PDLIM5: variants seen among roughly 807,000 people sequenced by gnomAD.
PDLIM5 encodes PDZ and LIM domain 5, also known as PDZ and LIM domain protein 5.
Under a neutral mutation model 64.2 loss-of-function variants are expected in PDLIM5, and 34 were observed. The observed-to-expected ratio is 0.53, with a 90% CI of 0.40 to 0.71. The LOEUF (loss-of-function observed/expected upper bound fraction) is 0.71. Ranked by LOEUF, PDLIM5 falls within the 30% of genes least tolerant of loss-of-function variation. PDLIM5 has a pLI of 0.00. For synonymous variants in PDLIM5, 253 were observed against 269.1 expected (o/e 0.94, Z 0.59); for missense variants, 683 against 733.6 (o/e 0.93, Z 0.80).
rs946467677 is a variant in PDLIM5 at position 94,630,064 on chromosome 4, A to C, written c.1109-10212A>C. Among the ~76,000 whole-genome samples the C allele has an allele frequency of 4.6e-5, 7 of 152,194 alleles. No homozygotes were observed. The South Asian group carries it at 1.0e-3, about 23-fold the overall frequency. On this transcript the variant is annotated intron_variant, in intron 8 of 12. Transcript: ENST00000317968. ...AGAGAAGAAAGCACTTGCTGCACAC[A>C]ATAGTATGCAAGCATGTTGCCATGA...
intron 3 of PDLIM5, among the ~76,000 whole-genome samples, chr4:94,564,438 T>C (rs988773581): frequency 6.6e-6 from 1 of 152,152 alleles, no homozygotes; most frequent in Admixed American, 6.5e-5. Flanking sequence ...GACTTTGCAC[T>C]TGCTATTTGG....
chr4:94,591,830 G>C (rs1333117963), intron 7 of PDLIM5, among the ~76,000 whole-genome samples: 4 of 152,326 alleles, frequency 2.6e-5, no homozygotes, highest in African/African-American at 9.6e-5. Context: ...CATGCTAAGC[G>C]CTAAGCTCTG....
In PDLIM5 at chr4:94,575,599, A is replaced by T; in HGVS notation, c.292-17A>T. The T allele has an allele frequency of 2.0e-6, 3 of 1,503,680 alleles. No homozygotes were observed. Among genetic ancestry groups the T allele is most frequent in the Non-Finnish European group, 2.7e-6 (3 of 1,114,748 alleles). The allele number at this position is 1,503,680 out of a possible 1,614,324, so 93.1% of individuals were successfully genotyped here. On this transcript the variant is annotated splice_polypyrimidine_tract_variant and intron_variant, in intron 4 of 12. Coordinates refer to ENST00000317968, the MANE Select transcript of PDLIM5 (RefSeq NM_006457.5). ...GTTTGGTGTGGTTTTGTGTATGTTTATTTTTGTTTTACATAGGGAGAACCT... is the reference window on the plus strand; with the variant it reads ...GTTTGGTGTGGTTTTGTGTATGTTTTTTTTTGTTTTACATAGGGAGAACCT...
chr4:94,519,827 T>C (rs927786666), intron 2 of PDLIM5, among the ~76,000 whole-genome samples: 5 of 152,324 alleles, frequency 3.3e-5, no homozygotes, highest in Non-Finnish European at 7.4e-5. Flanking sequence ...AAGGATCTGA[T>C]TCCATTTTCT....
intron 9 of PDLIM5, among the ~76,000 whole-genome samples, chr4:94,650,878 T>G (rs1163702699): frequency 6.6e-6 from 1 of 151,852 alleles, no homozygotes; most frequent in Non-Finnish European, 1.5e-5. Context: ...TTTCATGCCG[T>G]AGCTCTTCTC....
intron 3 of PDLIM5, among the ~76,000 whole-genome samples, chr4:94,537,547 T>C (rs1731419704): frequency 6.6e-6 from 1 of 152,154 alleles, no homozygotes; most frequent in African/African-American, 2.4e-5. Flanking sequence ...TTCTGAGATA[T>C]GAGAGAAAAA....
intron 5 of PDLIM5, chr4:94,582,948 G>C (rs1287325929): frequency 2.0e-6 from 1 of 492,924 alleles, no homozygotes; most frequent in Non-Finnish European, 3.6e-6. Flanking sequence ...GAAAAACTTA[G>C]TAAGTTAACC....
chr4:94,622,745 A>G (rs1015669348), intron 8 of PDLIM5, among the ~76,000 whole-genome samples: 1 of 148,840 alleles, frequency 6.7e-6, no homozygotes, highest in Non-Finnish European at 1.5e-5. Flanking sequence ...ATCTCGGCTC[A>G]CTGCAACCTC....
intron 2 of PDLIM5, among the ~76,000 whole-genome samples, chr4:94,522,163 A>G (rs1038457412): frequency 2.0e-5 from 3 of 152,190 alleles, no homozygotes; most frequent in South Asian, 4.1e-4. Context: ...ATAATACAGT[A>G]ATAGCTAACA....
chr4:94,612,273 T>C (rs560040017), intron 7 of PDLIM5, among the ~76,000 whole-genome samples: 3 of 152,102 alleles, frequency 2.0e-5, no homozygotes, highest in Non-Finnish European at 4.4e-5. Context: ...TATTTACCTA[T>C]TATTCTGGGT....
intron 2 of PDLIM5, among the ~76,000 whole-genome samples, chr4:94,500,621 T>C (rs1727827051): frequency 2.0e-5 from 3 of 152,154 alleles, no homozygotes; most frequent in Admixed American, 2.0e-4. Context: ...TAAAATAGTA[T>C]TTTTTAGTTC....
intron 9 of PDLIM5, among the ~76,000 whole-genome samples, chr4:94,653,038 G>A (rs967070272): frequency 2.0e-4 from 31 of 152,066 alleles, no homozygotes; most frequent in African/African-American, 6.5e-4. Flanking sequence ...GTGACTTTGC[G>A]ATACTCATTG....
chr4:94,600,261 A>G (rs1486693643), intron 7 of PDLIM5, among the ~76,000 whole-genome samples: 1 of 152,216 alleles, frequency 6.6e-6, no homozygotes, highest in Non-Finnish European at 1.5e-5. Flanking sequence ...AGTGAATGCA[A>G]TGAGTGATTG....
intron 2 of PDLIM5, among the ~76,000 whole-genome samples, chr4:94,484,886 A>G (rs1021760094): frequency 2.6e-5 from 4 of 152,246 alleles, no homozygotes; most frequent in African/African-American, 9.6e-5. Context: ...TATTATATAC[A>G]GAACAAGACC....
At chr4:94,611,333 G>C in intron 7 of PDLIM5, 1 of 660,396 alleles carries the variant, frequency 1.5e-6, no homozygotes, top group Non-Finnish European at 2.5e-6. Context: ...AATTTTGAAT[G>C]AACTGTAATG....
chr4:94,490,204 T>C (rs1314581680), intron 2 of PDLIM5, among the ~76,000 whole-genome samples: 1 of 152,048 alleles, frequency 6.6e-6, no homozygotes, highest in Non-Finnish European at 1.5e-5. Context: ...TTCAAAATAA[T>C]GTAAACATTT....
At chr4:94,550,338 T>G (rs1732701831) in intron 3 of PDLIM5, among the ~76,000 whole-genome samples, 1 of 152,210 alleles carries the variant, frequency 6.6e-6, no homozygotes, top group South Asian at 2.1e-4. Flanking sequence ...AATAGAAATC[T>G]TTCAATTACT....
intron 7 of PDLIM5, among the ~76,000 whole-genome samples, chr4:94,609,044 C>G (rs1294712831): frequency 6.6e-6 from 1 of 151,924 alleles, no homozygotes; most frequent in Non-Finnish European, 1.5e-5. Context: ...AATTTTTTTT[C>G]TAATCGTTTT....
chr4:94,601,096 A>G (rs1437829257), intron 7 of PDLIM5, among the ~76,000 whole-genome samples: 1 of 152,214 alleles, frequency 6.6e-6, no homozygotes, highest in Non-Finnish European at 1.5e-5. Flanking sequence ...TGTCTTAGTC[A>G]GATCAAGCTG....
Sources: gnomAD v4.1 joint callset for allele counts (sites outside exome capture counted in the v4.1 genomes callset) on GRCh38, gnomAD v4.1.1 for gene constraint, MANE v1.5 for transcripts, NCBI Gene and HGNC (gene_info 2026-07-23, HGNC 2026-07-21) for gene names.